ASB2: variants seen among roughly 807,000 people sequenced by gnomAD.
The protein encoded by ASB2 is ankyrin repeat and SOCS box protein 2.
Under a neutral mutation model 62.4 loss-of-function variants are expected in ASB2, and 58 were observed. The ratio of observed to expected loss-of-function variants is 0.93; its 90% CI spans 0.75 to 1.16. The LOEUF (loss-of-function observed/expected upper bound fraction) is 1.16. ASB2 is among the 50% of genes most tolerant of loss of function. ASB2 has a pLI of 0.00. For missense variants in ASB2, 928 were observed against 887.9 expected (o/e 1.05, Z -0.57); for synonymous variants, 386 against 385.3 (o/e 1.00, Z -0.02).
rs1340971335 is a variant in ASB2, at chr14:93,947,337, G to T, written c.1052+12C>A. On this transcript the variant is annotated intron_variant, in intron 7 of 9. Transcript: ENST00000555019. ...GGAGAGCTGCCTGGGTGCTGGCGGA[G>T]CCTGGGCTGACCTGTAGTTGCCCTT... is the stretch of plus-strand genomic sequence containing the variant. The T allele has an allele frequency of 6.2e-7, 1 of 1,613,674 alleles. No individual in the cohort carries two copies. Among genetic ancestry groups the T allele is most frequent in the African/African-American group, 1.3e-5 (1 of 75,054 alleles).
intron 2 of ASB2, among the ~76,000 whole-genome samples, chr14:93,962,302 G>A (rs908958573): frequency 3.3e-5 from 5 of 151,836 alleles, no homozygotes; most frequent in Non-Finnish European, 5.9e-5. Flanking sequence ...TTTTAGTAGA[G>A]ACGGGGTTTC....
rs149424759 is a variant in ASB2 at position 93,951,068 on chromosome 14, C to T, written c.811G>A (p.Gly271Ser). Residue 271 changes from glycine to serine, a missense_variant, in exon 6 of 10, where the codon GGC becomes AGC. Gly to Ser is a moderately conservative substitution (Grantham distance 56). Transcript: ENST00000555019. ...GAKVESKNAY[G>S]ITPLFVAAQS... is the part of the protein sequence containing the mutation. The stretch of plus-strand genomic sequence containing the variant: ...GCGGCCACGAACAAGGGGGTGATGC[C>T]GTAGGCGTTCTTGGATTCCACCTTG... The T allele has an allele frequency of 5.7e-5, 92 of 1,614,046 alleles. 1 individual carries two copies. The highest frequency in any genetic ancestry group is 6.9e-5 in the Non-Finnish European group (82 of 1,180,056).
At chr14:93,970,203 C>A (rs1294272888) in intron 1 of ASB2, among the ~76,000 whole-genome samples, 1 of 152,124 alleles carries the variant, frequency 6.6e-6, no homozygotes, top group Non-Finnish European at 1.5e-5. Flanking sequence ...AAACTGGGGG[C>A]TAGAGGAGAC....
At chr14:93,971,492 A>G (rs2141322633) in intron 1 of ASB2, among the ~76,000 whole-genome samples, 1 of 152,340 alleles carries the variant, frequency 6.6e-6, no homozygotes, top group African/African-American at 2.4e-5. Context: ...AATTCATTTA[A>G]TGGTGCTGAA....
chr14:93,950,889 A>C, intron 6 of ASB2, 110 bp downstream of exon 6: 1 of 1,207,270 alleles, frequency 8.3e-7, no homozygotes, highest in South Asian at 1.5e-5. Context: ...TCACTCCATC[A>C]GTGTGCGCAC....
intron 2 of ASB2, among the ~76,000 whole-genome samples, chr14:93,961,825 C>T (rs145805347): frequency 5.9e-5 from 9 of 152,224 alleles, no homozygotes; most frequent in East Asian, 5.8e-4. Context: ...GAGTGGGAGA[C>T]GGACGTAATG....
intron 2 of ASB2, chr14:93,957,110 A>G (rs1889252940): frequency 7.1e-7 from 1 of 1,407,128 alleles, no homozygotes; most frequent in African/African-American, 1.5e-5. Context: ...CATATAAGAC[A>G]ACAATGAGGT....
intron 7 of ASB2, chr14:93,941,166 C>T (rs1888503357): frequency 6.3e-6 from 1 of 158,718 alleles, no homozygotes; most frequent in Non-Finnish European, 1.4e-5. Context: ...AACCCCAGGA[C>T]TCTTTACCCC....
At chr14:93,939,003 C>T (rs1283738274) in intron 8 of ASB2, 105 bp downstream of exon 8, 1 of 1,056,642 alleles carries the variant, frequency 9.5e-7, no homozygotes, top group South Asian at 1.9e-5. Flanking sequence ...CCACGCTGCT[C>T]CCAAGGAGCG....
intron 1 of ASB2, among the ~76,000 whole-genome samples, chr14:93,972,936 C>T (rs894555888): frequency 6.6e-6 from 1 of 152,154 alleles, no homozygotes; most frequent in African/African-American, 2.4e-5. Flanking sequence ...TTCCAGTTTA[C>T]CCCCAGCCAC....
chr14:93,940,290 A>C (rs1158193615), intron 7 of ASB2: 1 of 152,244 alleles, frequency 6.6e-6, no homozygotes, highest in Non-Finnish European at 1.5e-5. Context: ...TTTAATCTTT[A>C]CAATAACCCC....
At position 93,956,806 on chromosome 14, in the gene ASB2, G is replaced by A; in HGVS notation, c.271C>T (p.Gln91Ter). 6.2e-7 allele frequency: 1 copy of A among 1,614,220 alleles called. No individual in the cohort carries two copies. Among genetic ancestry groups the A allele is most frequent in the East Asian group, 2.2e-5 (1 of 44,880 alleles). ...TTGAACAAGCTGCTGCTGTATTTCT[G>A]CATGACCCCTTGGAACAAGCCCATT... The part of the protein sequence containing the change: ...APMGLFQGVM[Q>*]KYSSSLFKTS... The change falls in exon 3 of 10, where the codon CAG becomes TAG. Residue 91 changes from glutamine (Q) to a stop codon, truncating the protein, a stop_gained. Coordinates refer to ENST00000555019, the MANE Select transcript of ASB2 (RefSeq NM_001202429.2). LOFTEE classifies it high-confidence loss of function.
At chr14:93,974,346 G>A (rs186552941) in intron 1 of ASB2, among the ~76,000 whole-genome samples, 4 of 152,156 alleles carry the variant, frequency 2.6e-5, no homozygotes, top group African/African-American at 4.8e-5. Flanking sequence ...ATTCCTGGGC[G>A]TTAATTATTC....
chr14:93,974,020 C>T (rs933605486), intron 1 of ASB2: 2 of 152,264 alleles, frequency 1.3e-5, no homozygotes, highest in Non-Finnish European at 2.9e-5. Context: ...CGGGAAGGCT[C>T]AGGCAGGGCA....
chr14:93,937,960 G>C, intron 8 of ASB2, 109 bp from the exon 9 acceptor site: 1 of 1,177,386 alleles, frequency 8.5e-7, no homozygotes. Context: ...GCACACCCAG[G>C]CTAGGATCCC....
intron 2 of ASB2, among the ~76,000 whole-genome samples, chr14:93,957,888 C>T (rs539842156): frequency 3.9e-5 from 6 of 152,166 alleles, no homozygotes; most frequent in South Asian, 2.1e-4. Context: ...CCCAGTGGCC[C>T]GGGCCTTTCA....
intron 1 of ASB2, among the ~76,000 whole-genome samples, chr14:93,974,314 A>C (rs1889847419): frequency 6.6e-6 from 1 of 152,190 alleles, no homozygotes; most frequent in Admixed American, 6.5e-5. Context: ...CCAACCACAA[A>C]GCTCTTAATA....
At position 93,934,553 on chromosome 14, in the gene ASB2, C is replaced by T; in HGVS notation, c.*103G>A. On this transcript the variant is annotated 3_prime_UTR_variant, in exon 10 of 10. Transcript: ENST00000555019. ...TCCAGGCTGAGAGGGAGGCAGCCTGCAGCCTCGTCTGTCACCAGGTCCCCT... is the reference window on the plus strand; with the variant it reads ...TCCAGGCTGAGAGGGAGGCAGCCTGTAGCCTCGTCTGTCACCAGGTCCCCT... 3.2e-6 allele frequency: 4 copies of T among 1,235,600 alleles called. No individual in the cohort carries two copies. The highest frequency in any genetic ancestry group is 4.6e-6 in the Non-Finnish European group (4 of 864,844). 76.5% of individuals were successfully genotyped at this position (1,235,600 alleles called of 1,614,324 possible).
chr14:93,969,218 C>CCTGCATCCCTGAACGGATGCAT (rs1567033218), intron 1 of ASB2, among the ~76,000 whole-genome samples: 3 of 152,184 alleles, frequency 2.0e-5, no homozygotes, highest in Non-Finnish European at 2.9e-5. Flanking sequence ...AACTCCCTGT[C>CCTGCATCCCTGAACGGATGCAT]CCTGAACGGA....
Sources: allele counts gnomAD v4.1 joint callset (sites outside exome capture counted in the v4.1 genomes callset), GRCh38; gene constraint gnomAD v4.1.1; transcripts MANE v1.5; gene names NCBI Gene and HGNC (gene_info 2026-07-23, HGNC 2026-07-21).